The following TENM2 variants were observed in gnomAD, a reference collection of about 807,000 sequenced individuals.
TENM2 encodes teneurin-2.
In TENM2, 52 loss-of-function variants were observed where a neutral mutation model predicts 245.2. The ratio of observed to expected loss-of-function variants is 0.21; its 90% CI spans 0.17 to 0.27. The LOEUF is 0.27. Ranked by LOEUF, TENM2 falls within the 10% of genes least tolerant of loss-of-function variation. TENM2 has a pLI of 1.00. For missense variants in TENM2, 3,046 were observed against 3,666.8 expected (o/e 0.83, Z 4.37); for synonymous variants, 1,363 against 1,438.9 (o/e 0.95, Z 1.19).
chr5:167,417,649 C>T (rs868028237), intron 2 of TENM2, among the ~76,000 whole-genome samples: 3 of 152,074 alleles, frequency 2.0e-5, no homozygotes, highest in Non-Finnish European at 4.4e-5. Flanking sequence ...GGCATTCCTA[C>T]GTGGTAAGTG....
intron 2 of TENM2, among the ~76,000 whole-genome samples, chr5:167,384,713 C>T (rs1047298199): frequency 2.6e-5 from 4 of 151,824 alleles, no homozygotes; most frequent in Admixed American, 1.3e-4. Flanking sequence ...CGCGCACACA[C>T]GCACACACAC....
intron 4 of TENM2, among the ~76,000 whole-genome samples, chr5:167,990,040 T>C (rs1422036128): frequency 6.6e-6 from 1 of 152,210 alleles, no homozygotes; most frequent in East Asian, 1.9e-4. Context: ...GGAGTTCAAA[T>C]GTTTTCACTC....
intron 2 of TENM2, among the ~76,000 whole-genome samples, chr5:167,854,603 A>G (rs767883165): frequency 6.6e-6 from 1 of 152,212 alleles, no homozygotes; most frequent in Non-Finnish European, 1.5e-5. Flanking sequence ...TAATTTGCCT[A>G]TCTGTCTGAG....
chr5:167,813,630 C>T (rs779690638), intron 2 of TENM2, among the ~76,000 whole-genome samples: 1 of 152,060 alleles, frequency 6.6e-6, no homozygotes, highest in Non-Finnish European at 1.5e-5. Flanking sequence ...CAAATTGAAG[C>T]CTTCAACCAC....
At chr5:167,067,016 G>A in the TENM2 span, among the ~76,000 whole-genome samples, 15 of 152,190 alleles carry the variant, frequency 9.9e-5, no homozygotes, top group Admixed American at 7.2e-4. Context: ...ATTACTGACC[G>A]ATTTAATGTT....
In TENM2 at chr5:167,381,637, A is replaced by G. The variant is rs143170012; in HGVS notation, c.502+6164A>G. Among the ~76,000 whole-genome samples the G allele has an allele frequency of 3.9e-5, 6 of 152,266 alleles. No individual in the cohort carries two copies. The East Asian group carries it at 1.2e-3, about 29-fold the overall frequency. ...TAGAAGCAGTAGCAGTTCTGGATAG[A>G]TTCCATGTCTTTGAGGTCACCTGAT... is the stretch of plus-strand genomic sequence containing the variant. On this transcript the variant is annotated intron_variant, in intron 2 of 28. Coordinates refer to ENST00000518659, the Ensembl canonical transcript of TENM2.
At position 167,750,374 on chromosome 5, in the gene TENM2, C is replaced by T. The variant is rs1396136988; in HGVS notation, c.503-125612C>T. The stretch of plus-strand genomic sequence containing the variant: ...TCAGAGTTTGCATGTTTCTCCTTGA[C>T]TCTTGATATCCTGAGTAATTCTTGA... On this transcript the variant is annotated intron_variant, in intron 2 of 28. Transcript: ENST00000518659. 3.3e-5 allele frequency among the ~76,000 whole-genome samples: 5 copies of T among 152,110 alleles called. No individual in the cohort carries two copies. In the East Asian group the frequency reaches 9.7e-4, roughly 29 times the overall value.
At chr5:167,879,812 G>C (rs1239416307) in intron 3 of TENM2, among the ~76,000 whole-genome samples, 1 of 152,154 alleles carries the variant, frequency 6.6e-6, no homozygotes, top group Non-Finnish European at 1.5e-5. Context: ...GTCCCAGTCA[G>C]AGAGTCTCTG....
At chr5:168,134,022 G>T (rs1455373554) in intron 12 of TENM2, among the ~76,000 whole-genome samples, 1 of 152,034 alleles carries the variant, frequency 6.6e-6, no homozygotes, top group Non-Finnish European at 1.5e-5. Context: ...AGGTATGGTG[G>T]TGCACACCTG....
chr5:168,196,798 G>A (rs188703382), intron 15 of TENM2, among the ~76,000 whole-genome samples: 18 of 152,318 alleles, frequency 1.2e-4, no homozygotes, highest in Admixed American at 3.3e-4. Flanking sequence ...TGAGTCAATT[G>A]CTGTGAAGTC....
intron 2 of TENM2, among the ~76,000 whole-genome samples, chr5:167,377,946 G>A (rs1760864458): frequency 6.6e-6 from 1 of 152,002 alleles, no homozygotes. Context: ...TTCTTGAAGA[G>A]GAAGTAACAG....
chr5:167,386,002 CT>C (rs1761413957), intron 2 of TENM2, among the ~76,000 whole-genome samples: 1 of 151,740 alleles, frequency 6.6e-6, no homozygotes, highest in Non-Finnish European at 1.5e-5. Flanking sequence ...GTGCAAGTAT[CT>C]TTTTCATATA....
chr5:167,617,705 CT>C (rs1444504231), intron 2 of TENM2, among the ~76,000 whole-genome samples: 18 of 152,114 alleles, frequency 1.2e-4, no homozygotes, highest in Admixed American at 1.2e-3. Context: ...GCCAGCGAGC[CT>C]AATGCTATGC....
intron 2 of TENM2, among the ~76,000 whole-genome samples, chr5:167,680,423 G>T (rs538231798): frequency 6.6e-6 from 1 of 152,224 alleles, no homozygotes; most frequent in East Asian, 1.9e-4. Context: ...AGAAGTTACA[G>T]GTCAGAGGGT....
At chr5:167,366,271 G>A (rs961970620) in intron 1 of TENM2, among the ~76,000 whole-genome samples, 2 of 151,996 alleles carry the variant, frequency 1.3e-5, no homozygotes, top group African/African-American at 4.8e-5. Context: ...CTATTTGAAA[G>A]CATAAATGAA....
chr5:168,166,243 A>C (rs1758296040), intron 13 of TENM2, among the ~76,000 whole-genome samples: 1 of 152,190 alleles, frequency 6.6e-6, no homozygotes, highest in Non-Finnish European at 1.5e-5. Context: ...GAGCAGCAGC[A>C]ATGAACACAT....
Position 167,776,593 on chromosome 5 carries a change from GAAAAAAAAAAAAAA to G in TENM2, c.503-99373_503-99360del, listed in dbSNP as rs869252752. ...TTGGGCAGCAGATGAGACCCTGTCTGAAAAAAAAAAAAAAAAAAAAAAAAAAAAAAAAACCATAT... is the reference window on the plus strand; with the variant it reads ...TTGGGCAGCAGATGAGACCCTGTCTGAAAAAAAAAAAAAAAAAAACCATAT... On this transcript the variant is annotated intron_variant, in intron 2 of 28. Coordinates refer to ENST00000518659, the Ensembl canonical transcript of TENM2. Among the ~76,000 whole-genome samples, 9 of 36,028 alleles carry G rather than the reference GAAAAAAAAAAAAAA, an allele frequency of 2.5e-4. 1 individual carries two copies. Among genetic ancestry groups the G allele is most frequent in the East Asian group, 6.4e-4 (1 of 1,572 alleles). The allele number at this position is 36,028 out of a possible 152,430, so 23.6% of individuals were successfully genotyped here.
intron 3 of TENM2, among the ~76,000 whole-genome samples, chr5:167,929,083 AAGAAAGAAAGAAAG>A (rs1778042269): frequency 8.5e-6 from 1 of 117,128 alleles, no homozygotes; most frequent in Non-Finnish European, 1.7e-5. Flanking sequence ...GAAAGAAAGA[AAGAAAGAAAGAAAG>A]AAAGAAAGAA....
At chr5:167,308,277 A>C (rs1755799669) in intron 1 of TENM2, among the ~76,000 whole-genome samples, 1 of 152,202 alleles carries the variant, frequency 6.6e-6, no homozygotes, top group South Asian at 2.1e-4. Context: ...GCCATGCAAC[A>C]TGGGACAAGT....
Sources: gnomAD v4.1 joint callset for allele counts (sites outside exome capture counted in the v4.1 genomes callset) on GRCh38, gnomAD v4.1.1 for gene constraint, MANE v1.5 for transcripts, NCBI Gene and HGNC (gene_info 2026-07-23, HGNC 2026-07-21) for gene names.